WNT10A: variants seen among roughly 807,000 people sequenced by gnomAD.
WNT10A encodes the protein Wnt family member 10A.
Under a neutral mutation model 36.1 loss-of-function variants are expected in WNT10A, and 37 were observed. That is an observed-to-expected ratio of 1.02 (90% CI 0.79 to 1.35). The LOEUF (loss-of-function observed/expected upper bound fraction) is 1.35, where lower values mean the gene tolerates loss of function less well. Among genes scored for constraint, WNT10A ranks in the 40% most tolerant of loss-of-function variants. The pLI is 0.00. For missense variants in WNT10A, 613 were observed against 601.4 expected (o/e 1.02, Z -0.20); for synonymous variants, 255 against 254.1 (o/e 1.00, Z -0.03).
chr2:218,892,771 C>T lies in WNT10A; in HGVS notation c.757-3C>T. 1 of 1,586,442 alleles carries T rather than the reference C, an allele frequency of 6.3e-7. No individual in the cohort carries two copies. Among genetic ancestry groups the T allele is most frequent in the Non-Finnish European group, 8.6e-7 (1 of 1,167,482 alleles). On this transcript the variant is annotated splice_region_variant and splice_polypyrimidine_tract_variant and intron_variant, in intron 3 of 3. Transcript: ENST00000258411. ...TCACCCCTCACGGTGCCTCCCTCCG[C>T]AGGCAGTGATGGAGAACATGCGGCG...
intron 2 of WNT10A, among the ~76,000 whole-genome samples, chr2:218,887,043 C>G (rs978680467): frequency 2.0e-5 from 3 of 152,194 alleles, no homozygotes; most frequent in Non-Finnish European, 4.4e-5. Context: ...ATCCCTGGAC[C>G]AGCCTCATCC....
At chr2:218,883,246 G>C (rs900698371) in intron 2 of WNT10A, among the ~76,000 whole-genome samples, 5 of 152,134 alleles carry the variant, frequency 3.3e-5, no homozygotes, top group African/African-American at 1.2e-4. Context: ...GATGGGCCTA[G>C]CTGGGTATCT....
chr2:218,890,017 C>A lies in WNT10A; in HGVS notation c.410C>A (p.Ala137Glu). ...GAGAGCGCTTTTGCCTACGCCATCG[C>A]AGCAGCTGGCGTGGTGCACGCCGTG... is the stretch of plus-strand genomic sequence containing the variant. ...FRESAFAYAI[A>E]AAGVVHAVSN... Residue 137 changes from alanine (A) to glutamate (E), a missense_variant, in exon 3 of 4, where the codon GCA (alanine) becomes GAA (glutamate). By Grantham distance (107) the Ala-to-Glu change is moderately radical. Transcript: ENST00000258411. 6.2e-7 allele frequency: 1 copy of A among 1,613,654 alleles called. No individual in the cohort carries two copies. Among genetic ancestry groups the A allele is most frequent in the Non-Finnish European group, 8.5e-7 (1 of 1,180,046 alleles).
intron 1 of WNT10A, 82 bp downstream of exon 1, chr2:218,881,190 G>A: frequency 6.5e-7 from 1 of 1,538,386 alleles, no homozygotes; most frequent in Admixed American, 2.0e-5. Flanking sequence ...TGCTGGGGTA[G>A]AGGACCCTGG....
intron 3 of WNT10A, among the ~76,000 whole-genome samples, chr2:218,891,842 T>G (rs576760683): frequency 9.2e-5 from 14 of 152,112 alleles, no homozygotes; most frequent in Admixed American, 6.5e-4. Context: ...GCCGTCCCTG[T>G]CTCAGGGTGT....
At chr2:218,892,721 G>A in intron 3 of WNT10A, 53 bp from the exon 4 acceptor site, 1 of 1,550,728 alleles carries the variant, frequency 6.4e-7, no homozygotes. Flanking sequence ...TAAGCGCTGG[G>A]AGGGGAGTGG....
rs1406554236 is a variant in WNT10A at position 218,893,195 on chromosome 2, A to C, written c.1178A>C (p.His393Pro). 6.3e-7 allele frequency: 1 copy of C among 1,578,520 alleles called. No homozygotes were observed. The highest frequency in any genetic ancestry group is 1.7e-5 in the Admixed American group (1 of 57,310). ...ILRQTRSERC[H>P]CRFHWCCFVV... ...CGCCAGACGCGCAGCGAGCGCTGCC[A>C]CTGCCGCTTCCACTGGTGCTGTTTC... The change falls in exon 4 of 4, where the codon CAC becomes CCC. Residue 393 changes from histidine (H) to proline (P), a missense_variant. Transcript: ENST00000258411. The surrounding 1 kb of genome is among the most constrained non-coding windows in gnomAD (Gnocchi z 6.3).
In WNT10A at chr2:218,890,094, C is replaced by G. The variant is rs368280129; in HGVS notation, c.487C>G (p.Arg163Gly). Reference sequence around the variant, plus strand: ...GAAGGCCTGTGGCTGTGATGCGTCCCGGCGAGGGGACGAGGAGGCCTTCCG... The same window carrying G: ...GAAGGCCTGTGGCTGTGATGCGTCCGGGCGAGGGGACGAGGAGGCCTTCCG... ...KLKACGCDAS[R>G]RGDEEAFRRK... The change falls in exon 3 of 4, where the codon CGG becomes GGG. Residue 163 changes from arginine to glycine, a missense_variant. Physicochemically the swap from Arg to Gly is moderately radical, Grantham distance 125. Coordinates refer to ENST00000258411, the MANE Select transcript of WNT10A (RefSeq NM_025216.3). The G allele has an allele frequency of 1.2e-6, 2 of 1,614,142 alleles. No individual in the cohort carries two copies. The highest frequency in any genetic ancestry group is 1.7e-6 in the Non-Finnish European group (2 of 1,180,038).
intron 3 of WNT10A, among the ~76,000 whole-genome samples, chr2:218,891,901 C>T (rs776607655): frequency 2.4e-4 from 37 of 152,108 alleles, no homozygotes; most frequent in Admixed American, 1.2e-3. Flanking sequence ...CAACTTCTTA[C>T]GGGGTTTCTG....
Position 218,892,303 on chromosome 2 carries a change from C to CCA in WNT10A, c.757-415_757-414dup, listed in dbSNP as rs60385784. 2.2e-3 allele frequency among the ~76,000 whole-genome samples: 225 copies of CCA among 100,938 alleles called. 6 individuals are homozygous for CCA. The highest frequency in any genetic ancestry group is 0.016 in the East Asian group (51 of 3,248). The allele number at this position is 100,938 out of a possible 152,430, so 66.2% of individuals were successfully genotyped here. A position where few individuals can be genotyped will look rare whatever the true frequency, so the allele number is the denominator to read the frequency against. ...ACCGAACACCCCTCCACCCACCCCA[C>CCA]CACACACACACACACACACACACAC... On this transcript the variant is annotated intron_variant, in intron 3 of 3. Coordinates refer to ENST00000258411, the MANE Select transcript of WNT10A (RefSeq NM_025216.3).
intron 2 of WNT10A, among the ~76,000 whole-genome samples, chr2:218,883,310 CTCCTT>C (rs1944539429): frequency 6.6e-6 from 1 of 152,174 alleles, no homozygotes; most frequent in Non-Finnish European, 1.5e-5. Flanking sequence ...GTAGCCCTAG[CTCCTT>C]AGGTCTTGTC....
chr2:218,879,931 C>T (rs989852095), upstream of WNT10A, among the ~76,000 whole-genome samples: 3 of 152,222 alleles, frequency 2.0e-5, no homozygotes, highest in Non-Finnish European at 4.4e-5. Flanking sequence ...TTTCTGGGGG[C>T]CTGACACTGC....
intron 2 of WNT10A, among the ~76,000 whole-genome samples, chr2:218,888,493 T>C (rs924564224): frequency 6.6e-6 from 1 of 152,226 alleles, no homozygotes; most frequent in Non-Finnish European, 1.5e-5. Context: ...GGTATCTGCC[T>C]CAGCTTGCCC....
chr2:218,880,781 C>T (rs1032918317), upstream of WNT10A: 2 of 496,624 alleles, frequency 4.0e-6, no homozygotes, highest in Non-Finnish European at 7.0e-6. The surrounding 1 kb of genome is among the most constrained non-coding windows in gnomAD (Gnocchi z 7.7). Flanking sequence ...GGTTCGCCCG[C>T]TCTTCACCCC....
At position 218,882,205 on chromosome 2, in the gene WNT10A, C is replaced by A. The variant is rs1483233058; in HGVS notation, c.158C>A (p.Pro53His). 1.2e-6 allele frequency: 2 copies of A among 1,614,158 alleles called. No homozygotes were observed. The highest frequency in any genetic ancestry group is 1.7e-6 in the Non-Finnish European group (2 of 1,180,016). The change falls in exon 2 of 4, where the codon CCC (proline) becomes CAC (histidine). Residue 53 changes from proline to histidine, a missense_variant. Pro to His is a moderately conservative substitution (Grantham distance 77). Transcript: ENST00000258411. The part of the protein sequence containing the change: ...DILDLRLPPE[P>H]VLNANTVCLT... ...CTGGACCTCCGCCTCCCCCCGGAGC[C>A]CGTGCTCAATGCCAACACAGTGTGC...
At chr2:218,883,637 G>A (rs984785694) in intron 2 of WNT10A, among the ~76,000 whole-genome samples, 1 of 150,836 alleles carries the variant, frequency 6.6e-6, no homozygotes, top group Non-Finnish European at 1.5e-5. Flanking sequence ...GTGGCGGCAT[G>A]CAGCCGCGAA....
chr2:218,882,143 C>T lies in WNT10A; in HGVS notation c.114-18C>T. 6.2e-7 allele frequency: 1 copy of T among 1,611,686 alleles called. No homozygotes were observed. The highest frequency in any genetic ancestry group is 1.7e-5 in the Admixed American group (1 of 59,968). On this transcript the variant is annotated intron_variant, in intron 1 of 3. Coordinates refer to ENST00000258411, the MANE Select transcript of WNT10A (RefSeq NM_025216.3). ...GTCCCCCCAAAACACGTACCCACTC[C>T]ACCCCATATGTCTGCAGGTCAGCAC...
At chr2:218,885,474 G>A (rs1944567389) in intron 2 of WNT10A, among the ~76,000 whole-genome samples, 2 of 152,214 alleles carry the variant, frequency 1.3e-5, no homozygotes, top group South Asian at 2.1e-4. Context: ...CTGGGAGCTG[G>A]GCTCAGCACT....
chr2:218,893,278 CG>C lies in WNT10A; in HGVS notation c.*11del. On this transcript the variant is annotated 3_prime_UTR_variant, in exon 4 of 4. Coordinates refer to ENST00000258411, the MANE Select transcript of WNT10A (RefSeq NM_025216.3). The surrounding 1 kb of genome is among the most constrained non-coding windows in gnomAD (Gnocchi z 6.3). Reference sequence around the variant, plus strand: ...GGTCAGCGTCTGCAAGTGAGCGGCCCGGGGTCCCCTGGGCCCTGATCGAGGT... The same window carrying C: ...GGTCAGCGTCTGCAAGTGAGCGGCCCGGGTCCCCTGGGCCCTGATCGAGGT... 6.5e-7 allele frequency: 1 copy of C among 1,544,322 alleles called. No homozygotes were observed. The highest frequency in any genetic ancestry group is 8.7e-7 in the Non-Finnish European group (1 of 1,151,016).
Sources: gnomAD v4.1 joint callset for allele counts (sites outside exome capture counted in the v4.1 genomes callset) on GRCh38, gnomAD v4.1.1 for gene constraint, Gnocchi (gnomAD v3.1) non-coding constraint, MANE v1.5 for transcripts, NCBI Gene and HGNC (gene_info 2026-07-23, HGNC 2026-07-21) for gene names.